Variants in RIN2 observed in about 807,000 individuals in gnomAD.
RIN2 encodes RAB5 interacting protein 2.
Under a neutral mutation model 78.0 loss-of-function variants are expected in RIN2, and 36 were observed. That is an observed-to-expected ratio of 0.46 (90% CI 0.35 to 0.61). The LOEUF (loss-of-function observed/expected upper bound fraction) is 0.61, where lower values mean the gene tolerates loss of function less well. RIN2 is among the 20% of genes least tolerant of loss of function. The pLI, the probability that RIN2 is intolerant of heterozygous loss-of-function variation, is 0.00. For missense variants in RIN2, 1,087 were observed against 1,159.7 expected (o/e 0.94, Z 0.91); for synonymous variants, 466 against 466.8 (o/e 1.00, Z 0.02).
chr20:19,907,706 G>A (rs1308570251), intron 3 of RIN2, among the ~76,000 whole-genome samples: 1 of 152,214 alleles, frequency 6.6e-6, no homozygotes, highest in East Asian at 1.9e-4. Flanking sequence ...GCCTTGCCCA[G>A]AGTCCACACA....
At chr20:19,818,083 T>A (rs905330298) in intron 2 of RIN2, among the ~76,000 whole-genome samples, 1 of 143,188 alleles carries the variant, frequency 7.0e-6, no homozygotes, top group African/African-American at 2.7e-5. Flanking sequence ...TGCTTCTGAG[T>A]TACAAACCTG....
chr20:19,929,919 G>A (rs1302202535), intron 3 of RIN2, among the ~76,000 whole-genome samples: 1 of 152,192 alleles, frequency 6.6e-6, no homozygotes, highest in Admixed American at 6.5e-5. Context: ...GAAGTGTTTT[G>A]TGATGCTAAC....
At chr20:19,927,096 C>T (rs16981318) in intron 3 of RIN2, among the ~76,000 whole-genome samples, 14,389 of 152,236 alleles carry the variant, frequency 0.095, 1,186 homozygotes, top group African/African-American at 0.22. Context: ...GATTGGACTC[C>T]GCGGACATTG....
intron 3 of RIN2, among the ~76,000 whole-genome samples, chr20:19,933,872 G>T (rs1003080409): frequency 6.6e-6 from 1 of 152,122 alleles, no homozygotes; most frequent in Admixed American, 6.5e-5. Flanking sequence ...GCAGTGGCAT[G>T]ATCTTGGCTC....
At chr20:19,980,163 C>T (rs529690777) in intron 9 of RIN2, among the ~76,000 whole-genome samples, 2 of 151,662 alleles carry the variant, frequency 1.3e-5, no homozygotes, top group Admixed American at 6.6e-5. Context: ...GTGACCCTAT[C>T]GCCTGAAGGA....
chr20:19,964,874 A>T, intron 6 of RIN2, 78 bp from the exon 7 acceptor site: 1 of 1,221,648 alleles, frequency 8.2e-7, no homozygotes, highest in Non-Finnish European at 1.2e-6. Context: ...ATGGTCCCAC[A>T]CACATGGTGT....
At chr20:19,937,973 G>A (rs972464590) in intron 4 of RIN2, among the ~76,000 whole-genome samples, 7 of 152,184 alleles carry the variant, frequency 4.6e-5, no homozygotes, top group Admixed American at 6.5e-5. Flanking sequence ...TTTTTGGCCC[G>A]ATGGCCAGTG....
chr20:19,837,324 G>A (rs2036452757), intron 2 of RIN2, among the ~76,000 whole-genome samples: 1 of 151,654 alleles, frequency 6.6e-6, no homozygotes, highest in African/African-American at 2.4e-5. Context: ...CAATACACAT[G>A]AACTATTCAA....
chr20:19,994,236 T>C (rs539864817), intron 11 of RIN2, among the ~76,000 whole-genome samples: 1 of 152,244 alleles, frequency 6.6e-6, no homozygotes, highest in African/African-American at 2.4e-5. Context: ...GGCGGCCCAG[T>C]TGGGTTGGCT....
intron 4 of RIN2, among the ~76,000 whole-genome samples, chr20:19,954,592 C>T (rs2041456006): frequency 6.6e-6 from 1 of 152,154 alleles, no homozygotes; most frequent in South Asian, 2.1e-4. Flanking sequence ...CTCTGTAAAA[C>T]CGGGATCATG....
intron 3 of RIN2, among the ~76,000 whole-genome samples, chr20:19,909,545 G>A (rs6112655): frequency 0.027 from 4,166 of 151,856 alleles, 180 homozygotes; most frequent in African/African-American, 0.093. Context: ...GTTGAGCCCC[G>A]GCACACACTC....
chr20:19,847,133 A>T (rs1457533927), intron 2 of RIN2, among the ~76,000 whole-genome samples: 2 of 152,242 alleles, frequency 1.3e-5, no homozygotes, highest in Non-Finnish European at 2.9e-5. Flanking sequence ...ACTGAATAGG[A>T]TAATGGCACA....
At chr20:19,855,244 G>A (rs1030502606) in intron 2 of RIN2, among the ~76,000 whole-genome samples, 1 of 152,118 alleles carries the variant, frequency 6.6e-6, no homozygotes, top group Non-Finnish European at 1.5e-5. Flanking sequence ...CTTGATCTTG[G>A]TGGATAAGCT....
intron 3 of RIN2, among the ~76,000 whole-genome samples, 163 bp from the exon 4 acceptor site, chr20:19,934,936 T>G (rs1427514403): frequency 6.7e-6 from 1 of 149,570 alleles, no homozygotes; most frequent in Non-Finnish European, 1.5e-5. Context: ...TATTTTTTCC[T>G]CTGGCTAGAG....
chr20:19,933,294 C>T (rs568089888), intron 3 of RIN2, among the ~76,000 whole-genome samples: 2 of 152,316 alleles, frequency 1.3e-5, no homozygotes, highest in South Asian at 2.1e-4. Context: ...AAGATCTGAT[C>T]CCTGCCTGCC....
chr20:19,978,585 T>A (rs1601024132), intron 9 of RIN2, among the ~76,000 whole-genome samples: 1 of 152,244 alleles, frequency 6.6e-6, no homozygotes, highest in Non-Finnish European at 1.5e-5. Flanking sequence ...TAAATGATTA[T>A]GTTCTCTCAT....
intron 1 of RIN2, among the ~76,000 whole-genome samples, chr20:19,777,409 A>G (rs1281998169): frequency 6.6e-6 from 1 of 152,258 alleles, no homozygotes; most frequent in East Asian, 1.9e-4. Flanking sequence ...CTGTTTCAGA[A>G]CTTCAGCTCT....
At chr20:19,844,959 C>T (rs2123125620) in intron 2 of RIN2, among the ~76,000 whole-genome samples, 1 of 152,110 alleles carries the variant, frequency 6.6e-6, no homozygotes, top group East Asian at 1.9e-4. Flanking sequence ...GTTCAACTCC[C>T]ACTTATGAGT....
intron 3 of RIN2, among the ~76,000 whole-genome samples, chr20:19,914,891 G>A (rs2039621458): frequency 6.6e-6 from 1 of 152,176 alleles, no homozygotes; most frequent in Non-Finnish European, 1.5e-5. Context: ...GTCAGGGAGA[G>A]ATGAGACTAA....
Sources: allele counts gnomAD v4.1 joint callset (sites outside exome capture counted in the v4.1 genomes callset), GRCh38; gene constraint gnomAD v4.1.1; transcripts MANE v1.5; gene names NCBI Gene and HGNC (gene_info 2026-07-23, HGNC 2026-07-21).